SLC47A1: variants seen among roughly 807,000 people sequenced by gnomAD.
SLC47A1 encodes the protein multidrug and toxin extrusion protein 1.
Under a neutral mutation model 65.8 loss-of-function variants are expected in SLC47A1, and 58 were observed. The ratio of observed to expected loss-of-function variants is 0.88; its 90% CI spans 0.71 to 1.10. SLC47A1 has a LOEUF of 1.10. SLC47A1 is among the 50% of genes least tolerant of loss of function. The probability of loss-of-function intolerance (pLI) is 0.00; values close to 1 mark genes in which losing one functional copy is unlikely to be tolerated. For synonymous variants in SLC47A1, 285 were observed against 295.0 expected, an observed-to-expected ratio of 0.97 and a Z score of 0.35; for missense variants, 706 against 719.2, an observed-to-expected ratio of 0.98 and a Z score of 0.21.
intron 1 of SLC47A1, among the ~76,000 whole-genome samples, chr17:19,540,861 C>CAT (rs1405624621): frequency 1.3e-5 from 2 of 151,488 alleles, no homozygotes; most frequent in Non-Finnish European, 2.9e-5. Flanking sequence ...CACACACACA[C>CAT]ACACACACAC....
Position 19,560,278 on chromosome 17 carries a change from G to C in SLC47A1, c.1012G>C (p.Val338Leu). 6.2e-7 allele frequency: 1 copy of C among 1,613,682 alleles called. No individual in the cohort carries two copies. Among genetic ancestry groups the C allele is most frequent in the Non-Finnish European group, 8.5e-7 (1 of 1,179,788 alleles). Residue 338 changes from valine (V) to leucine (L), a missense_variant, in exon 11 of 17, where the codon GTT becomes CTT. By Grantham distance (32) the Val-to-Leu change is conservative. Transcript: ENST00000270570. ...DMEQARKSST[V>L]SLLITVLFAV... ...GGAGCAGGCACGGAAGTCCTCTACC[G>C]TTTCCCTGCTGATTACAGGTGCTGA... is the stretch of plus-strand genomic sequence containing the variant.
rs188169045 is a variant in SLC47A1, at chr17:19,571,196, G to A, written c.1310-282G>A. Among the ~76,000 whole-genome samples the A allele has an allele frequency of 2.6e-5, 4 of 151,994 alleles. No homozygotes were observed. In the East Asian group the frequency reaches 7.7e-4, roughly 29 times the overall value. ...AATATTCAAGCATTATAATCAGTAA[G>A]GCCAAAAATATCCTCTGAATATTTG... On this transcript the variant is annotated intron_variant, in intron 14 of 16. Transcript: ENST00000270570.
chr17:19,546,356 T>C (rs1232631007), intron 2 of SLC47A1, 79 bp from the exon 3 acceptor site: 1 of 1,412,600 alleles, frequency 7.1e-7, no homozygotes, highest in Non-Finnish European at 9.9e-7. Flanking sequence ...CTTTGCAGGC[T>C]CTTATCAATA....
chr17:19,566,885 A>G, intron 13 of SLC47A1, 26 bp downstream of exon 13: 1 of 1,612,788 alleles, frequency 6.2e-7, no homozygotes, highest in Middle Eastern at 1.7e-4. Context: ...TAGTCCCCTA[A>G]GCACTGTTAT....
intron 5 of SLC47A1, 25 bp from the exon 6 acceptor site, chr17:19,551,399 A>T: frequency 1.3e-5 from 21 of 1,567,486 alleles, no homozygotes; most frequent in Non-Finnish European, 1.8e-5. Flanking sequence ...AAACATTAAC[A>T]TTCATCTCTC....
At position 19,548,313 on chromosome 17, in the gene SLC47A1, G is replaced by A. The variant is rs148953965; in HGVS notation, c.455+180G>A. Reference sequence around the variant, plus strand: ...TGGCATCTGAGATGTACTCCCCCTCGCCTCCTGGGTGACTTGCATGGTTAA... The same window carrying A: ...TGGCATCTGAGATGTACTCCCCCTCACCTCCTGGGTGACTTGCATGGTTAA... On this transcript the variant is annotated intron_variant, in intron 4 of 16. Transcript: ENST00000270570. Among the ~76,000 whole-genome samples, 7 of 152,194 alleles carry A rather than the reference G, an allele frequency of 4.6e-5. No homozygotes were observed. The South Asian group carries it at 6.2e-4, about 14-fold the overall frequency.
intron 1 of SLC47A1, chr17:19,535,361 G>A (rs1390927314): frequency 6.6e-6 from 1 of 152,140 alleles, no homozygotes; most frequent in East Asian, 1.9e-4. Context: ...CTTGAACCTG[G>A]GAAGTGGAGG....
At chr17:19,545,669 T>G (rs1450270478) in intron 2 of SLC47A1, among the ~76,000 whole-genome samples, 1 of 151,984 alleles carries the variant, frequency 6.6e-6, no homozygotes, top group Non-Finnish European at 1.5e-5. Flanking sequence ...TTTTGTACTT[T>G]TGTAGGGACG....
intron 1 of SLC47A1, among the ~76,000 whole-genome samples, chr17:19,537,225 G>A (rs894680): frequency 0.29 from 44,042 of 152,156 alleles, 7,556 homozygotes; most frequent in Non-Finnish European, 0.39. Flanking sequence ...AGGAGCTGGC[G>A]GACCTTCTAG....
intron 1 of SLC47A1, among the ~76,000 whole-genome samples, chr17:19,536,411 C>A (rs1024563018): frequency 6.6e-6 from 1 of 152,054 alleles, no homozygotes; most frequent in African/African-American, 2.4e-5. Context: ...TTTGTATGTA[C>A]ATATATGTAT....
chr17:19,549,798 C>A (rs1317673414), intron 5 of SLC47A1, 121 bp downstream of exon 5: 3 of 1,063,412 alleles, frequency 2.8e-6, no homozygotes, highest in East Asian at 4.8e-5. Context: ...GGTGTTGGTG[C>A]CTTCAAGGAA....
chr17:19,578,723 T>C lies in SLC47A1; in HGVS notation c.*1170T>C, dbSNP rs901680177. The C allele has an allele frequency of 6.6e-6, 1 of 152,214 alleles. No homozygotes were observed. Among genetic ancestry groups the C allele is most frequent in the Non-Finnish European group, 1.5e-5 (1 of 68,042 alleles). The allele number at this position is 152,214 out of a possible 1,614,324, so 9.4% of individuals were successfully genotyped here. On this transcript the variant is annotated 3_prime_UTR_variant, in exon 17 of 17. Transcript: ENST00000270570. ...CAGGCACATAACATTAATCTAGTAA[T>C]GTAATTCTCTGCACATCCAGCTGGT... is the stretch of plus-strand genomic sequence containing the variant.
At chr17:19,563,486 A>G (rs2084331728) in intron 12 of SLC47A1, among the ~76,000 whole-genome samples, 2 of 152,062 alleles carry the variant, frequency 1.3e-5, no homozygotes, top group African/African-American at 4.8e-5. Context: ...TCCAAAGGAT[A>G]ATTTTATAAA....
At chr17:19,536,535 A>C (rs1186500191) in intron 1 of SLC47A1, among the ~76,000 whole-genome samples, 1 of 152,138 alleles carries the variant, frequency 6.6e-6, no homozygotes, top group Non-Finnish European at 1.5e-5. Context: ...GTAATTTGGG[A>C]GCTTTCCTTC....
intron 10 of SLC47A1, 39 bp downstream of exon 10, chr17:19,556,101 T>C: frequency 6.2e-7 from 1 of 1,608,198 alleles, no homozygotes; most frequent in South Asian, 1.1e-5. Context: ...TGCCAGGCGT[T>C]TTCCTTGCTT....
chr17:19,565,577 C>CTTTTTTTT (rs11362429), intron 12 of SLC47A1, among the ~76,000 whole-genome samples: 3 of 95,548 alleles, frequency 3.1e-5, no homozygotes, highest in Non-Finnish European at 6.0e-5. Flanking sequence ...GTCTGAAAAT[C>CTTTTTTTT]TTTTTTTTTT....
In SLC47A1 at chr17:19,555,288, A is replaced by G. The variant is rs1567969422; in HGVS notation, c.620A>G (p.His207Arg). The G allele has an allele frequency of 2.5e-6, 4 of 1,614,140 alleles. No homozygotes were observed. The highest frequency in any genetic ancestry group is 3.4e-6 in the Non-Finnish European group (4 of 1,180,002). ...VNALANYLFL[H>R]QLHLGVIGSA... ...GCCCTCGCCAACTATCTGTTTCTCC[A>G]TCAACTGCATCTTGGGGTGATGTGA... The change falls in exon 7 of 17, where the codon CAT becomes CGT. Residue 207 changes from histidine to arginine, a missense_variant. Physicochemically the swap from His to Arg is conservative, Grantham distance 29. Coordinates refer to ENST00000270570, the MANE Select transcript of SLC47A1 (RefSeq NM_018242.3).
Position 19,555,676 on chromosome 17 carries a change from A to G in SLC47A1, c.725A>G (p.Gln242Arg), listed in dbSNP as rs757923865. 1 of 1,614,192 alleles carries G rather than the reference A, an allele frequency of 6.2e-7. No individual in the cohort carries two copies. The highest frequency in any genetic ancestry group is 1.3e-5 in the African/African-American group (1 of 75,044). ...TACATCCTCGGGAAAAAACTGCATC[A>G]AGCTACATGGGGAGGTAATGACTGC... ...FLYILGKKLH[Q>R]ATWGGWSLEC... Residue 242 changes from glutamine to arginine, a missense_variant, in exon 8 of 17, where the codon CAA (glutamine) becomes CGA (arginine). Transcript: ENST00000270570.
At chr17:19,560,078 CT>C (rs2084295901) in intron 10 of SLC47A1, 109 bp from the exon 11 acceptor site, 1 of 752,966 alleles carries the variant, frequency 1.3e-6, no homozygotes, top group Non-Finnish European at 2.2e-6. Flanking sequence ...CTTTTCAAAA[CT>C]TTTAGGACCA....
Sources: allele counts gnomAD v4.1 joint callset (sites outside exome capture counted in the v4.1 genomes callset), GRCh38; gene constraint gnomAD v4.1.1; transcripts MANE v1.5; gene names NCBI Gene and HGNC (gene_info 2026-07-23, HGNC 2026-07-21).